Variants in NPR2 observed in about 807,000 individuals in gnomAD.
NPR2 encodes natriuretic peptide receptor 2.
In NPR2, 49 loss-of-function variants were observed where a neutral mutation model predicts 120.7. The observed-to-expected ratio is 0.41, with a 90% CI of 0.32 to 0.52. NPR2 has a LOEUF of 0.52. NPR2 is among the 20% of genes least tolerant of loss of function. The probability of loss-of-function intolerance (pLI) is 0.36; values close to 1 mark genes in which losing one functional copy is unlikely to be tolerated. For synonymous variants in NPR2, 484 were observed against 519.8 expected, an observed-to-expected ratio of 0.93 and a Z score of 0.94; for missense variants, 931 against 1,362.9, an observed-to-expected ratio of 0.68 and a Z score of 4.99.
chr9:35,808,968 C>A lies in NPR2; in HGVS notation c.2986+115C>A. 2.1e-6 allele frequency: 2 copies of A among 935,198 alleles called. No homozygotes were observed. The highest frequency in any genetic ancestry group is 3.5e-6 in the Non-Finnish European group (2 of 567,730). 57.9% of individuals were successfully genotyped at this position (935,198 alleles called of 1,614,324 possible). A position where few individuals can be genotyped will look rare whatever the true frequency, so the allele number is the denominator to read the frequency against. ...AGACCACAGTTCCTTAGTGTCGCAT[C>A]CTCGGGCATATTTTGGTTCTAATAG... On this transcript the variant is annotated intron_variant, in intron 20 of 21. Transcript: ENST00000342694. This position sits in a 1 kb window ranked among gnomAD's most constrained non-coding sequence, Gnocchi z 4.0.
intron 7 of NPR2, 142 bp downstream of exon 7, chr9:35,801,296 T>C: frequency 1.3e-6 from 1 of 745,802 alleles, no homozygotes; most frequent in Non-Finnish European, 2.4e-6. Context: ...AACAGCGTCT[T>C]CCTCTCTAGC....
Position 35,799,679 on chromosome 9 carries a change from G to C in NPR2, c.935G>C (p.Arg312Pro). ...PNPEYQEFQNRLLIRAREDFG... is the reference protein window; with the variant it reads ...PNPEYQEFQNPLLIRAREDFG... ...CCTGAGTATCAGGAATTCCAGAATC[G>C]TCTGCTGATAAGAGCCCGGGAAGAC... The change falls in exon 3 of 22, where the codon CGT becomes CCT. Residue 312 changes from arginine to proline, a missense_variant. Physicochemically the swap from Arg to Pro is moderately radical, Grantham distance 103. Transcript: ENST00000342694. 3 of 1,613,924 alleles carry C rather than the reference G, an allele frequency of 1.9e-6. No individual in the cohort carries two copies. The highest frequency in any genetic ancestry group is 2.5e-6 in the Non-Finnish European group (3 of 1,179,998).
intron 1 of NPR2, among the ~76,000 whole-genome samples, chr9:35,793,520 G>T (rs1827851874): frequency 6.6e-6 from 1 of 152,108 alleles, no homozygotes; most frequent in South Asian, 2.1e-4. Context: ...ATTTGGGAAA[G>T]ACAGATAAAG....
Position 35,808,214 on chromosome 9 carries a change from C to T in NPR2, c.2713-295C>T, listed in dbSNP as rs749398412. 2 of 1,614,174 alleles carry T rather than the reference C, an allele frequency of 1.2e-6. No individual in the cohort carries two copies. Among genetic ancestry groups the T allele is most frequent in the Admixed American group, 3.3e-5 (2 of 60,012 alleles). The stretch of plus-strand genomic sequence containing the variant: ...TCTTGAGTTACCGTTTTCTTGCTTC[C>T]CATTTCCTGATGGCAGAGCCTATTT... On this transcript the variant is annotated intron_variant, in intron 18 of 21. Transcript: ENST00000342694. The surrounding 1 kb of genome is among the most constrained non-coding windows in gnomAD (Gnocchi z 4.0).
chr9:35,802,000 G>A lies in NPR2; in HGVS notation c.1632G>A (p.Lys544=). ...TCTTTGCCAACACCGGTCACTTCAAGGTGAACAGTCATTTGCTTGTTCTGG... is the reference window on the plus strand; with the variant it reads ...TCTTTGCCAACACCGGTCACTTCAAAGTGAACAGTCATTTGCTTGTTCTGG... ...YQIFANTGHF[K]GNVVAIKHVN... Residue 544 remains lysine (K), a splice_region_variant and synonymous_variant, in exon 9 of 22, where the codon AAG becomes AAA. Coordinates refer to ENST00000342694, the MANE Select transcript of NPR2 (RefSeq NM_003995.4). The A allele has an allele frequency of 6.2e-7, 1 of 1,613,678 alleles. No homozygotes were observed. The highest frequency in any genetic ancestry group is 1.3e-5 in the African/African-American group (1 of 75,000).
At chr9:35,807,900 A>G in intron 18 of NPR2, 1 of 465,190 alleles carries the variant, frequency 2.1e-6, no homozygotes, top group Non-Finnish European at 3.8e-6. Flanking sequence ...CCTGAGCCTC[A>G]GTTGTTTTAT....
Position 35,806,217 on chromosome 9 carries a change from A to C in NPR2, c.2356A>C (p.Ile786Leu). 6.2e-7 allele frequency: 1 copy of C among 1,614,220 alleles called. No homozygotes were observed. Among genetic ancestry groups the C allele is most frequent in the Middle Eastern group, 1.6e-4 (1 of 6,062 alleles). ...RPDFGQIKGF[I>L]RRFNKEGGTS... is the part of the protein sequence containing the mutation. ...AGACTTTGGACAGATTAAGGGCTTC[A>C]TTCGGCGCTTTAACAAGTGAGAGGG... Residue 786 changes from isoleucine (I) to leucine (L), a missense_variant, in exon 15 of 22, where the codon ATT becomes CTT. Coordinates refer to ENST00000342694, the MANE Select transcript of NPR2 (RefSeq NM_003995.4). The surrounding 1 kb of genome is among the most constrained non-coding windows in gnomAD (Gnocchi z 4.6).
In NPR2 at chr9:35,806,966, C is replaced by G. The variant is rs1828424180; in HGVS notation, c.2520-57C>G. ...TGCTGCAGCCACATACACTTTCCCT[C>G]TCTCTTCCACTCCTGCTCTCTTGGA... On this transcript the variant is annotated intron_variant, in intron 16 of 21. Transcript: ENST00000342694. This position sits in a 1 kb window ranked among gnomAD's most constrained non-coding sequence, Gnocchi z 4.6. 2 of 1,600,038 alleles carry G rather than the reference C, an allele frequency of 1.2e-6. No homozygotes were observed. Among genetic ancestry groups the G allele is most frequent in the South Asian group, 2.2e-5 (2 of 90,548 alleles).
At position 35,801,132 on chromosome 9, in the gene NPR2, G is replaced by A; in HGVS notation, c.1414G>A (p.Val472Ile). ...GTGITFIMFG[V>I]SSFLIFRKLM... is the part of the protein sequence containing the mutation. Reference sequence around the variant, plus strand: ...AGGAATCACCTTCATCATGTTTGGTGTTTCCAGCTTCCTAATTTTCCGGTG... The same window carrying A: ...AGGAATCACCTTCATCATGTTTGGTATTTCCAGCTTCCTAATTTTCCGGTG... The change falls in exon 7 of 22, where the codon GTT (valine) becomes ATT (isoleucine). Residue 472 changes from valine to isoleucine, a missense_variant. Around this residue, in one of 3 missense-constraint regions of NPR2, gnomAD observed 681 missense variants for 974.3 expected, o/e 0.70. Coordinates refer to ENST00000342694, the MANE Select transcript of NPR2 (RefSeq NM_003995.4). The A allele has an allele frequency of 1.9e-6, 3 of 1,614,040 alleles. No individual in the cohort carries two copies. The highest frequency in any genetic ancestry group is 1.1e-5 in the South Asian group (1 of 91,080).
chr9:35,799,942 A>G, intron 3 of NPR2, 80 bp from the exon 4 acceptor site: 1 of 1,589,776 alleles, frequency 6.3e-7, no homozygotes, highest in Non-Finnish European at 8.6e-7. Context: ...AAGAGAGAAT[A>G]GGTAGAAGGG....
chr9:35,793,048 AC>A lies in NPR2; in HGVS notation c.643del (p.His215ThrfsTer31). ...AGAGCCAGGGGGCCCCGAGCAGGCC[AC>A]CCACTTCATCCGGGCCAACGGGCGC... ...AREPGGPEQA[T>X]HFIRANGRIV... On this transcript the variant is annotated frameshift_variant, in exon 1 of 22. Transcript: ENST00000342694. LOFTEE classifies it high-confidence loss of function. 1 of 1,603,666 alleles carries A rather than the reference AC, an allele frequency of 6.2e-7. No homozygotes were observed. Among genetic ancestry groups the A allele is most frequent in the South Asian group, 1.1e-5 (1 of 90,800 alleles).
intron 12 of NPR2, among the ~76,000 whole-genome samples, chr9:35,804,233 C>CT (rs11328092): frequency 1.4e-4 from 19 of 139,498 alleles, no homozygotes; most frequent in African/African-American, 2.3e-4. Context: ...ATCATTAAGA[C>CT]TTTTTTTTTT....
intron 2 of NPR2, among the ~76,000 whole-genome samples, chr9:35,797,006 C>T (rs376000255): frequency 6.6e-6 from 1 of 152,116 alleles, no homozygotes; most frequent in Non-Finnish European, 1.5e-5. Flanking sequence ...TAGCTCATGC[C>T]GTATCGATAC....
At chr9:35,797,048 T>C (rs372588163) in intron 2 of NPR2, among the ~76,000 whole-genome samples, 14 of 152,158 alleles carry the variant, frequency 9.2e-5, no homozygotes, top group African/African-American at 3.4e-4. Flanking sequence ...TGAAATCAAG[T>C]ATGTTGATAT....
At position 35,791,959 on chromosome 9, in the gene NPR2, T is replaced by A. The variant is rs1214263359; in HGVS notation, c.-450T>A. ...CTCCCACCTTACCCCCTTGGTCCTATGTGGCGCAGCGCCCTCCTGCCCTCC... is the reference window on the plus strand; with the variant it reads ...CTCCCACCTTACCCCCTTGGTCCTAAGTGGCGCAGCGCCCTCCTGCCCTCC... On this transcript the variant is annotated 5_prime_UTR_variant, in exon 1 of 22. An upstream start codon of the reference 5' UTR is lost. Coordinates refer to ENST00000342694, the MANE Select transcript of NPR2 (RefSeq NM_003995.4). 2.0e-5 allele frequency among the ~76,000 whole-genome samples: 3 copies of A among 151,770 alleles called. No homozygotes were observed. The highest frequency in any genetic ancestry group is 4.4e-5 in the Non-Finnish European group (3 of 67,868).
rs1828223080 is a variant in NPR2 at position 35,802,735 on chromosome 9, A to G, written c.1819A>G (p.Ile607Val). 1 of 1,609,568 alleles carries G rather than the reference A, an allele frequency of 6.2e-7. No individual in the cohort carries two copies. Among genetic ancestry groups the G allele is most frequent in the Non-Finnish European group, 8.5e-7 (1 of 1,175,928 alleles). The change falls in exon 12 of 22, where the codon ATT becomes GTT. Residue 607 changes from isoleucine to valine, a missense_variant. By Grantham distance (29) the Ile-to-Val change is conservative. This residue lies in a region of NPR2 where 681 missense variants were observed against 974.3 expected (regional missense o/e 0.70). Transcript: ENST00000342694. This position sits in a 1 kb window ranked among gnomAD's most constrained non-coding sequence, Gnocchi z 4.2. ...TCTATTCCATGTCACTTACCAGGATATTCTAGAAAATGACAGCATCAACTT... is the reference window on the plus strand; with the variant it reads ...TCTATTCCATGTCACTTACCAGGATGTTCTAGAAAATGACAGCATCAACTT... Reference protein sequence around the residue: ...EYCPRGSLQDILENDSINLDW... With the variant: ...EYCPRGSLQDVLENDSINLDW...
In NPR2 at chr9:35,806,944, T is replaced by G; in HGVS notation, c.2520-79T>G. 1 of 1,508,106 alleles carries G rather than the reference T, an allele frequency of 6.6e-7. No individual in the cohort carries two copies. Among genetic ancestry groups the G allele is most frequent in the African/African-American group, 1.4e-5 (1 of 72,814 alleles). The allele number at this position is 1,508,106 out of a possible 1,614,324, so 93.4% of individuals were successfully genotyped here. A position where few individuals can be genotyped will look rare whatever the true frequency, so the allele number is the denominator to read the frequency against. On this transcript the variant is annotated intron_variant, in intron 16 of 21. Transcript: ENST00000342694. The surrounding 1 kb of genome is among the most constrained non-coding windows in gnomAD (Gnocchi z 4.6). ...CTTTCTTGTTACAGCTCATCTCTGC[T>G]GCAGCCACATACACTTTCCCTCTCT...
In NPR2 at chr9:35,806,074, A is replaced by C; in HGVS notation, c.2213A>C (p.Gln738Pro). Residue 738 changes from glutamine to proline, a missense_variant, in exon 15 of 22, where the codon CAG (glutamine) becomes CCG (proline). This residue lies in a region of NPR2 where 681 missense variants were observed against 974.3 expected (regional missense o/e 0.70). Coordinates refer to ENST00000342694, the MANE Select transcript of NPR2 (RefSeq NM_003995.4). The surrounding 1 kb of genome is among the most constrained non-coding windows in gnomAD (Gnocchi z 4.6). ...CTTTGATCACCCTCAGAGATTGTCC[A>C]GAAGGTACGAAATGGTCAGCGGCCA... is the stretch of plus-strand genomic sequence containing the variant. The part of the protein sequence containing the change: ...GLDLSPKEIV[Q>P]KVRNGQRPYF... The C allele has an allele frequency of 6.2e-7, 1 of 1,614,206 alleles. No homozygotes were observed. The highest frequency in any genetic ancestry group is 8.5e-7 in the Non-Finnish European group (1 of 1,180,046).
Position 35,808,045 on chromosome 9 carries a change from T to C in NPR2, c.2713-464T>C. On this transcript the variant is annotated intron_variant, in intron 18 of 21. Coordinates refer to ENST00000342694, the MANE Select transcript of NPR2 (RefSeq NM_003995.4). This position sits in a 1 kb window ranked among gnomAD's most constrained non-coding sequence, Gnocchi z 4.0. Reference sequence around the variant, plus strand: ...TATTTCCTAAAAACTTCACTGTGTATTTCCTTAAAACAATGGCATTTATTC... The same window carrying C: ...TATTTCCTAAAAACTTCACTGTGTACTTCCTTAAAACAATGGCATTTATTC... 1.4e-6 allele frequency: 1 copy of C among 725,576 alleles called. No individual in the cohort carries two copies. Among genetic ancestry groups the C allele is most frequent in the Non-Finnish European group, 2.4e-6 (1 of 412,836 alleles). The allele number at this position is 725,576 out of a possible 1,614,324, so 44.9% of individuals were successfully genotyped here.
Sources: allele counts gnomAD v4.1 joint callset (sites outside exome capture counted in the v4.1 genomes callset), GRCh38; gene constraint gnomAD v4.1.1; regional missense constraint gnomAD v4.1.1; non-coding constraint Gnocchi (gnomAD v3.1); transcripts MANE v1.5; gene names NCBI Gene and HGNC (gene_info 2026-07-23, HGNC 2026-07-21).